TMC5: variants seen among roughly 807,000 people sequenced by gnomAD.
TMC5 encodes the protein transmembrane channel-like protein 5.
A neutral mutation model predicts 110.5 loss-of-function variants in TMC5; 86 were observed. The observed-to-expected ratio is 0.78, with a 90% CI of 0.65 to 0.93. The LOEUF is 0.93. Ranked by LOEUF, TMC5 falls within the 40% of genes least tolerant of loss-of-function variation. The pLI is 0.00. For missense variants in TMC5, 1,144 were observed against 1,222.8 expected, an observed-to-expected ratio of 0.94 and a Z score of 0.96; for synonymous variants, 455 against 439.5, an observed-to-expected ratio of 1.04 and a Z score of -0.44.
intron 20 of TMC5, among the ~76,000 whole-genome samples, chr16:19,496,744 G>T (rs967349579): frequency 1.5e-4 from 23 of 151,666 alleles, no homozygotes; most frequent in Admixed American, 1.3e-3. Flanking sequence ...AAAAAAATTA[G>T]CTGGGCGTGG....
At chr16:19,420,682 C>G (rs1008619915) in intron 1 of TMC5, among the ~76,000 whole-genome samples, 2 of 152,068 alleles carry the variant, frequency 1.3e-5, no homozygotes, top group African/African-American at 2.4e-5. Context: ...AAGCTGGTCT[C>G]CAACTCCTGG....
intron 18 of TMC5, among the ~76,000 whole-genome samples, 162 bp downstream of exon 18, chr16:19,490,730 CCTT>C (rs1968867507): frequency 1.2e-4 from 7 of 59,146 alleles, no homozygotes; most frequent in Middle Eastern, 0.012. Flanking sequence ...TTCCTTCCTT[CCTT>C]CCTTCCTTCC....
chr16:19,413,137 C>A (rs186279263), upstream of TMC5, among the ~76,000 whole-genome samples: 1 of 152,144 alleles, frequency 6.6e-6, no homozygotes. Context: ...CCCTACCACC[C>A]GCTTCTCATC....
At chr16:19,441,291 GT>G (rs57096574) in intron 3 of TMC5, among the ~76,000 whole-genome samples, 30,114 of 136,818 alleles carry the variant, frequency 0.22, 5,287 homozygotes, top group African/African-American at 0.49. Flanking sequence ...CCACTTCTTT[GT>G]TTTTTTTTTT....
chr16:19,427,082 C>T (rs1967101382), intron 1 of TMC5, among the ~76,000 whole-genome samples: 1 of 152,116 alleles, frequency 6.6e-6, no homozygotes, highest in Non-Finnish European at 1.5e-5. Context: ...GCCCCCCTCT[C>T]CAGCAGGCTC....
At chr16:19,448,742 T>C (rs550157056) in intron 4 of TMC5, among the ~76,000 whole-genome samples, 125 of 145,536 alleles carry the variant, frequency 8.6e-4, no homozygotes, top group African/African-American at 3.0e-3. Context: ...ATATAACATA[T>C]AAAATATAGA....
intron 2 of TMC5, among the ~76,000 whole-genome samples, chr16:19,436,273 G>GAAAAAA (rs750838547): frequency 1.5e-4 from 16 of 107,604 alleles, no homozygotes; most frequent in Non-Finnish European, 2.1e-4. Context: ...GTCTCAAAAA[G>GAAAAAA]AAAAAAAAAA....
intron 5 of TMC5, chr16:19,456,422 G>T: frequency 9.2e-7 from 1 of 1,083,790 alleles, no homozygotes; most frequent in Non-Finnish European, 1.1e-6. Context: ...GAAAGATTCT[G>T]TTTTCGATTT....
At chr16:19,432,887 T>C (rs1967222607) in intron 2 of TMC5, among the ~76,000 whole-genome samples, 1 of 152,188 alleles carries the variant, frequency 6.6e-6, no homozygotes, top group Non-Finnish European at 1.5e-5. Flanking sequence ...TGTTTTTGTA[T>C]GTGTGTTCTA....
intron 8 of TMC5, among the ~76,000 whole-genome samples, chr16:19,465,065 C>T (rs1968144270): frequency 4.7e-5 from 3 of 63,902 alleles, no homozygotes; most frequent in African/African-American, 1.3e-4. Flanking sequence ...CTTTTCCTTC[C>T]TTCCTTCCTT....
At chr16:19,417,094 C>CAAA (rs60613963), upstream of TMC5, among the ~76,000 whole-genome samples, 350 of 69,162 alleles carry the variant, frequency 5.1e-3, 21 homozygotes, top group African/African-American at 0.018. Flanking sequence ...ACTCAGTCTT[C>CAAA]AAAAAAAAAA....
At chr16:19,497,861 C>A in intron 21 of TMC5, 59 bp from the exon 22 acceptor site, 1 of 1,540,976 alleles carries the variant, frequency 6.5e-7, no homozygotes, top group Non-Finnish European at 8.9e-7. Context: ...TGGTCTTTCC[C>A]TTGTAGAGAT....
chr16:19,425,523 G>A (rs146392892), intron 1 of TMC5, among the ~76,000 whole-genome samples: 75 of 152,192 alleles, frequency 4.9e-4, no homozygotes, highest in African/African-American at 1.8e-3. Context: ...GATCACCCCA[G>A]TTCTTACTCA....
intron 3 of TMC5, among the ~76,000 whole-genome samples, chr16:19,443,189 G>T (rs919801945): frequency 6.6e-6 from 1 of 152,160 alleles, no homozygotes; most frequent in Non-Finnish European, 1.5e-5. Flanking sequence ...TAATACAGAT[G>T]CCTCAGTCAA....
intron 11 of TMC5, among the ~76,000 whole-genome samples, chr16:19,472,632 G>C (rs1968372775): frequency 6.6e-6 from 1 of 152,174 alleles, no homozygotes. Context: ...ACAGCCCTGG[G>C]GCCAGGCCTT....
chr16:19,416,363 C>G (rs1292578067), upstream of TMC5, among the ~76,000 whole-genome samples: 6 of 152,220 alleles, frequency 3.9e-5, no homozygotes, highest in African/African-American at 1.4e-4. Context: ...ATCCAGCCCT[C>G]AATTGTCTAC....
rs1364477299 is a variant in TMC5 at position 19,497,982 on chromosome 16, C to T, written c.*16C>T. Reference sequence around the variant, plus strand: ...AAGGGCCTGATGACTCTTTTGGTAACCAGACACCAATCAAATAAGGGGAGG... The same window carrying T: ...AAGGGCCTGATGACTCTTTTGGTAATCAGACACCAATCAAATAAGGGGAGG... On this transcript the variant is annotated 3_prime_UTR_variant, in exon 22 of 22. Coordinates refer to ENST00000542583, the MANE Select transcript of TMC5 (RefSeq NM_001261841.2). 3 of 1,611,902 alleles carry T rather than the reference C, an allele frequency of 1.9e-6. No individual in the cohort carries two copies. The highest frequency in any genetic ancestry group is 1.7e-4 in the Middle Eastern group (1 of 6,054).
chr16:19,440,164 G>C lies in TMC5; in HGVS notation c.126G>C (p.Leu42=), dbSNP rs766965175. The change falls in exon 3 of 22, where the codon CTG becomes CTC. Residue 42 remains leucine, a synonymous_variant. Coordinates refer to ENST00000542583, the MANE Select transcript of TMC5 (RefSeq NM_001261841.2). ...GTTATCCAGATGTTCCAGGTCCTCTGAACAATCCAGACTACCCCGGCACCA... is the reference window on the plus strand; with the variant it reads ...GTTATCCAGATGTTCCAGGTCCTCTCAACAATCCAGACTACCCCGGCACCA... ...TQGYPDVPGP[L]NNPDYPGTRS... is the part of the protein sequence containing the mutation. 1 of 1,614,116 alleles carries C rather than the reference G, an allele frequency of 6.2e-7. No individual in the cohort carries two copies. The highest frequency in any genetic ancestry group is 1.1e-5 in the South Asian group (1 of 91,070).
At chr16:19,450,469 C>T (rs1050494935) in intron 5 of TMC5, among the ~76,000 whole-genome samples, 11 of 152,200 alleles carry the variant, frequency 7.2e-5, no homozygotes, top group African/African-American at 2.2e-4. Flanking sequence ...CCATCCATTT[C>T]TCATCTTTGT....
Sources: allele counts gnomAD v4.1 joint callset (sites outside exome capture counted in the v4.1 genomes callset), GRCh38; gene constraint gnomAD v4.1.1; transcripts MANE v1.5; gene names NCBI Gene and HGNC (gene_info 2026-07-23, HGNC 2026-07-21).